The following AKAP13 variants were observed in gnomAD, a reference collection of about 807,000 sequenced individuals.
AKAP13 encodes A-kinase anchor protein 13.
Under a neutral mutation model 264.5 loss-of-function variants are expected in AKAP13, and 80 were observed. That is an observed-to-expected ratio of 0.30 (90% CI 0.25 to 0.36). AKAP13 has a LOEUF of 0.36. AKAP13 is among the 10% of genes least tolerant of loss of function. The pLI is 1.00. For synonymous variants in AKAP13, 1,380 were observed against 1,250.2 expected (o/e 1.10, Z -2.19); for missense variants, 3,712 against 3,435.2 (o/e 1.08, Z -2.01).
intron 8 of AKAP13, chr15:85,624,792 A>G (rs1292245301): frequency 6.6e-5 from 10 of 152,226 alleles, no homozygotes; most frequent in Admixed American, 6.5e-4. Flanking sequence ...TTCCCTCTCC[A>G]CTGAAAATAT....
intron 3 of AKAP13, among the ~76,000 whole-genome samples, chr15:85,532,846 A>C (rs530019600): frequency 1.3e-5 from 2 of 152,280 alleles, no homozygotes; most frequent in Admixed American, 1.3e-4. Flanking sequence ...GCCAGTCTGT[A>C]CACTGGGCAC....
chr15:85,547,941 G>A (rs1375506663), intron 5 of AKAP13, among the ~76,000 whole-genome samples: 2 of 152,146 alleles, frequency 1.3e-5, no homozygotes, highest in South Asian at 2.1e-4. Context: ...TAACTAGTTA[G>A]TAATGGAGAG....
At chr15:85,452,318 C>T (rs544449717) in intron 1 of AKAP13, among the ~76,000 whole-genome samples, 17 of 151,736 alleles carry the variant, frequency 1.1e-4, no homozygotes, top group Admixed American at 3.3e-4. Flanking sequence ...GTCATCATCC[C>T]GAATCTCAAT....
At chr15:85,396,633 A>G (rs763241661) in intron 1 of AKAP13, among the ~76,000 whole-genome samples, 6 of 152,168 alleles carry the variant, frequency 3.9e-5, no homozygotes, top group East Asian at 1.9e-4. Context: ...TTTTACTCCA[A>G]TGTATAATAC....
intron 33 of AKAP13, among the ~76,000 whole-genome samples, chr15:85,737,831 G>A (rs946477460): frequency 2.6e-5 from 4 of 151,866 alleles, no homozygotes. Context: ...TAGAGATGGG[G>A]TTTCACCATG....
chr15:85,723,019 C>A lies in AKAP13; in HGVS notation c.6497-53C>A, dbSNP rs2087393757. Reference sequence around the variant, plus strand: ...GTGAGAAGTCAGGATTCCCTTGCTTCTGCCCTTGTCCAAAAAGAGCCATAA... The same window carrying A: ...GTGAGAAGTCAGGATTCCCTTGCTTATGCCCTTGTCCAAAAAGAGCCATAA... On this transcript the variant is annotated intron_variant, in intron 25 of 36. Coordinates refer to ENST00000394518, the MANE Select transcript of AKAP13 (RefSeq NM_007200.5). 3 of 1,588,834 alleles carry A rather than the reference C, an allele frequency of 1.9e-6. No homozygotes were observed. In the Admixed American group the frequency reaches 5.2e-5, roughly 27 times the overall value.
intron 9 of AKAP13, among the ~76,000 whole-genome samples, chr15:85,644,230 CTTCTTTTTT>C (rs2082439598): frequency 2.6e-5 from 1 of 38,922 alleles, no homozygotes; most frequent in Non-Finnish European, 4.4e-5. Flanking sequence ...TGACTTTTAT[CTTCTTTTTT>C]TTTTTTTTTG....
intron 5 of AKAP13, among the ~76,000 whole-genome samples, chr15:85,563,495 C>CT: frequency 6.6e-6 from 1 of 152,080 alleles, no homozygotes; most frequent in Non-Finnish European, 1.5e-5. Flanking sequence ...GAGAAATGTT[C>CT]TACTTGGAAG....
At chr15:85,476,814 A>G (rs1022503071) in intron 1 of AKAP13, among the ~76,000 whole-genome samples, 4 of 152,124 alleles carry the variant, frequency 2.6e-5, no homozygotes, top group African/African-American at 9.7e-5. Context: ...TCCTTTAATA[A>G]CTATTCATCC....
chr15:85,501,806 C>T (rs2076044487), intron 2 of AKAP13, among the ~76,000 whole-genome samples: 1 of 152,230 alleles, frequency 6.6e-6, no homozygotes, highest in Admixed American at 6.5e-5. Flanking sequence ...TATTGCTCCT[C>T]TGTGTCAGCG....
chr15:85,611,731 C>T (rs1475304167), intron 8 of AKAP13, among the ~76,000 whole-genome samples: 1 of 152,236 alleles, frequency 6.6e-6, no homozygotes, highest in Non-Finnish European at 1.5e-5. Flanking sequence ...CGACAATACA[C>T]TTGTGAACAC....
intron 1 of AKAP13, among the ~76,000 whole-genome samples, chr15:85,458,336 T>C (rs939250611): frequency 2.6e-5 from 4 of 151,312 alleles, no homozygotes; most frequent in Non-Finnish European, 4.4e-5. Context: ...ATAATCACTA[T>C]GAACATTTGA....
intron 12 of AKAP13, chr15:85,662,329 C>T: frequency 3.8e-6 from 6 of 1,570,482 alleles, no homozygotes; most frequent in South Asian, 3.3e-5. Context: ...CTAATAACCC[C>T]ATTCCTGTTT....
At chr15:85,548,087 TACTC>T (rs763534683) in intron 5 of AKAP13, among the ~76,000 whole-genome samples, 24 of 152,324 alleles carry the variant, frequency 1.6e-4, no homozygotes, top group Non-Finnish European at 2.9e-4. Flanking sequence ...GCTGATCTCT[TACTC>T]ACACATCTCA....
intron 3 of AKAP13, among the ~76,000 whole-genome samples, chr15:85,531,024 G>A (rs533632771): frequency 6.6e-6 from 1 of 152,220 alleles, no homozygotes; most frequent in Admixed American, 6.5e-5. Flanking sequence ...ACAGATGCCC[G>A]GCTAATTTTT....
At chr15:85,578,780 T>A in intron 6 of AKAP13, 150 bp from the exon 7 acceptor site, 2 of 697,886 alleles carry the variant, frequency 2.9e-6, no homozygotes, top group Non-Finnish European at 4.8e-6. Flanking sequence ...AAGAGGAAAT[T>A]TATTTGTATT....
At chr15:85,544,134 A>G (rs1376330956) in intron 5 of AKAP13, 179 bp downstream of exon 5, 1 of 760,652 alleles carries the variant, frequency 1.3e-6, no homozygotes, top group Non-Finnish European at 2.3e-6. Flanking sequence ...TCATTGTCTG[A>G]GAGAGAAACG....
intron 3 of AKAP13, among the ~76,000 whole-genome samples, chr15:85,526,059 A>C (rs1315604341): frequency 1.3e-5 from 2 of 152,196 alleles, no homozygotes; most frequent in Non-Finnish European, 2.9e-5. Context: ...TTGACTCCAA[A>C]TTTGACTCAG....
intron 6 of AKAP13, among the ~76,000 whole-genome samples, chr15:85,577,176 C>T (rs1402089339): frequency 6.6e-6 from 1 of 152,144 alleles, no homozygotes. Context: ...TACACTTGTA[C>T]ATATAAACTT....
Sources: allele counts gnomAD v4.1 joint callset (sites outside exome capture counted in the v4.1 genomes callset), GRCh38; gene constraint gnomAD v4.1.1; transcripts MANE v1.5; gene names NCBI Gene and HGNC (gene_info 2026-07-23, HGNC 2026-07-21).